Variants in HIP1 observed in about 807,000 individuals in gnomAD.
HIP1 encodes the protein huntingtin interacting protein 1.
A neutral mutation model predicts 147.6 loss-of-function variants in HIP1; 65 were observed. That is an observed-to-expected ratio of 0.44 (90% CI 0.36 to 0.54). The LOEUF is 0.54. HIP1 is among the 20% of genes least tolerant of loss of function. HIP1 has a pLI of 0.00. For synonymous variants in HIP1, 479 were observed against 504.0 expected (o/e 0.95, Z 0.67); for missense variants, 1,061 against 1,299.6 (o/e 0.82, Z 2.82).
At chr7:75,696,582 C>T (rs1165853428) in intron 1 of HIP1, among the ~76,000 whole-genome samples, 6 of 119,170 alleles carry the variant, frequency 5.0e-5, no homozygotes, top group Non-Finnish European at 1.8e-5. Context: ...CTCCCCTCCC[C>T]TCCCCTTCCC....
chr7:75,541,987 G>A lies in HIP1; in HGVS notation c.2891-7C>T, dbSNP rs782553872. 7.4e-6 allele frequency: 12 copies of A among 1,612,866 alleles called. No homozygotes were observed. The East Asian group carries it at 1.3e-4, about 18-fold the overall frequency. On this transcript the variant is annotated splice_polypyrimidine_tract_variant and splice_region_variant and intron_variant, in intron 28 of 30. Coordinates refer to ENST00000336926, the MANE Select transcript of HIP1 (RefSeq NM_005338.7). ...CTTGAGAAGTCCATGTTGTCTGCAA[G>A]GATGGAAACAAGAAGGTCTCATCAA...
intron 30 of HIP1, among the ~76,000 whole-genome samples, chr7:75,538,638 G>A (rs1167834): frequency 0.33 from 47,690 of 144,736 alleles, 8,680 homozygotes; most frequent in Non-Finnish European, 0.41. Flanking sequence ...GCAGTGGCGC[G>A]ATCTCGGCTC....
At chr7:75,615,388 C>T (rs1039497411) in intron 1 of HIP1, among the ~76,000 whole-genome samples, 6 of 151,968 alleles carry the variant, frequency 3.9e-5, no homozygotes, top group Non-Finnish European at 5.9e-5. Flanking sequence ...GACCCCATCT[C>T]TACAAAAAAT....
At position 75,678,699 on chromosome 7, in the gene HIP1, C is replaced by A. The variant is rs527950541; in HGVS notation, c.120+60102G>T. 3.9e-5 allele frequency among the ~76,000 whole-genome samples: 6 copies of A among 152,266 alleles called. No individual in the cohort carries two copies. The East Asian group carries it at 1.2e-3, about 29-fold the overall frequency. On this transcript the variant is annotated intron_variant, in intron 1 of 30. Coordinates refer to ENST00000336926, the MANE Select transcript of HIP1 (RefSeq NM_005338.7). ...ACCAGGCACAGCTGAAGCTTGTGCA[C>A]GTTGCCGATTATCTGCTGGGCCATC... is the stretch of plus-strand genomic sequence containing the variant.
chr7:75,587,305 C>T (rs1365504354), intron 4 of HIP1, among the ~76,000 whole-genome samples: 27 of 152,130 alleles, frequency 1.8e-4, no homozygotes, highest in African/African-American at 5.8e-4. Context: ...TAGTCTCGAA[C>T]TTCTGATCTC....
In HIP1 at chr7:75,599,120, A is replaced by T. The variant is rs1554502501; in HGVS notation, c.184+64T>A. On this transcript the variant is annotated intron_variant, in intron 2 of 30. Coordinates refer to ENST00000336926, the MANE Select transcript of HIP1 (RefSeq NM_005338.7). ...AGCTGAGCAAGGCAGCCTGGCCCTG[A>T]CCTCAGTCCCCATGAGCTGACCTCC... The T allele has an allele frequency of 2.4e-6, 3 of 1,254,930 alleles. No homozygotes were observed. In the East Asian group the frequency reaches 6.9e-5, roughly 29 times the overall value. 77.7% of individuals were successfully genotyped at this position (1,254,930 alleles called of 1,614,324 possible).
intron 1 of HIP1, among the ~76,000 whole-genome samples, chr7:75,683,835 G>A (rs1408787100): frequency 2.6e-5 from 4 of 152,234 alleles, no homozygotes; most frequent in Non-Finnish European, 5.9e-5. Context: ...TTTACAAAAC[G>A]TCCCTAATGA....
intron 1 of HIP1, among the ~76,000 whole-genome samples, chr7:75,639,445 C>T (rs1156292277): frequency 1.3e-5 from 2 of 151,676 alleles, no homozygotes; most frequent in African/African-American, 2.4e-5. Flanking sequence ...GATCCCGCGG[C>T]CCCCGGGCTC....
At chr7:75,691,435 G>A (rs886791742) in intron 1 of HIP1, among the ~76,000 whole-genome samples, 31 of 151,406 alleles carry the variant, frequency 2.0e-4, no homozygotes, top group Non-Finnish European at 4.3e-4. Context: ...AGGTTGCAGT[G>A]AGCCAAGATC....
At chr7:75,549,372 C>CTTT (rs60654435) in intron 22 of HIP1, among the ~76,000 whole-genome samples, 2 of 121,198 alleles carry the variant, frequency 1.7e-5, no homozygotes, top group Admixed American at 8.3e-5. Flanking sequence ...CTTTTCTTTT[C>CTTT]TTTTTTTTTT....
chr7:75,652,758 G>A (rs1005367097), intron 1 of HIP1, among the ~76,000 whole-genome samples: 1 of 152,124 alleles, frequency 6.6e-6, no homozygotes, highest in Non-Finnish European at 1.5e-5. Flanking sequence ...GCCACAGAAA[G>A]TCTGAAGTGG....
chr7:75,675,890 A>C (rs1563286750), intron 1 of HIP1, among the ~76,000 whole-genome samples: 1 of 152,170 alleles, frequency 6.6e-6, no homozygotes, highest in Non-Finnish European at 1.5e-5. Flanking sequence ...CTAAGGAAGG[A>C]GGATCACTTA....
intron 5 of HIP1, among the ~76,000 whole-genome samples, chr7:75,582,873 G>T (rs1247413343): frequency 6.6e-6 from 1 of 152,040 alleles, no homozygotes; most frequent in African/African-American, 2.4e-5. Flanking sequence ...TGGTGCCAAG[G>T]CCTCTGAGGC....
rs1461838685 is a variant in HIP1, at chr7:75,537,083, C to G, written c.*1089G>C. 8.6e-6 allele frequency: 2 copies of G among 232,344 alleles called. No individual in the cohort carries two copies. Among genetic ancestry groups the G allele is most frequent in the Non-Finnish European group, 1.7e-5 (2 of 117,604 alleles). 14.4% of individuals were successfully genotyped at this position (232,344 alleles called of 1,614,324 possible). On this transcript the variant is annotated 3_prime_UTR_variant, in exon 31 of 31. Transcript: ENST00000336926. ...TCCGTCTCTGGGCCAAGGGAGACGG[C>G]CCGCTTGACAGAGACCATTCACGGA...
intron 1 of HIP1, among the ~76,000 whole-genome samples, chr7:75,608,903 G>A (rs1461796203): frequency 6.6e-6 from 1 of 152,150 alleles, no homozygotes; most frequent in Non-Finnish European, 1.5e-5. Flanking sequence ...GATGGGTACT[G>A]GGGATCCACA....
chr7:75,581,491 G>A (rs1299842236), intron 6 of HIP1, among the ~76,000 whole-genome samples, 193 bp from the exon 7 acceptor site: 3 of 152,304 alleles, frequency 2.0e-5, no homozygotes, highest in South Asian at 2.1e-4. Flanking sequence ...AACAGTGACA[G>A]CGACAGGTCG....
At chr7:75,539,471 C>G in intron 29 of HIP1, 40 bp from the exon 30 acceptor site, 1 of 1,418,272 alleles carries the variant, frequency 7.1e-7, no homozygotes, top group Non-Finnish European at 9.9e-7. Flanking sequence ...TTAATCATCT[C>G]TCAGAGATTT....
intron 7 of HIP1, among the ~76,000 whole-genome samples, chr7:75,574,217 CGAG>C (rs1795753033): frequency 6.6e-6 from 1 of 151,364 alleles, no homozygotes. Context: ...CGCTTGAACC[CGAG>C]AGGCAGAGGT....
At chr7:75,681,701 C>CT (rs1266709297) in intron 1 of HIP1, among the ~76,000 whole-genome samples, 2 of 151,806 alleles carry the variant, frequency 1.3e-5, no homozygotes, top group African/African-American at 4.8e-5. Flanking sequence ...GAGGCAAGGT[C>CT]TCACTATGTT....
Sources: gnomAD v4.1 joint callset for allele counts (sites outside exome capture counted in the v4.1 genomes callset) on GRCh38, gnomAD v4.1.1 for gene constraint, MANE v1.5 for transcripts, NCBI Gene and HGNC (gene_info 2026-07-23, HGNC 2026-07-21) for gene names.